Variants in NR3C2 observed in about 807,000 individuals in gnomAD.
NR3C2 encodes the protein nuclear receptor subfamily 3 group C member 2.
In NR3C2, 15 loss-of-function variants were observed where a neutral mutation model predicts 86.4. The ratio of observed to expected loss-of-function variants is 0.17; its 90% CI spans 0.12 to 0.27. The LOEUF (loss-of-function observed/expected upper bound fraction) is 0.27, where lower values mean the gene tolerates loss of function less well. NR3C2 is among the 10% of genes least tolerant of loss of function. The pLI, the probability that NR3C2 is intolerant of heterozygous loss-of-function variation, is 1.00. For missense variants in NR3C2, 960 were observed against 1,195.6 expected (o/e 0.80, Z 2.91); for synonymous variants, 458 against 450.5 (o/e 1.02, Z -0.21).
At chr4:148,144,892 G>A (rs1578935522) in intron 6 of NR3C2, among the ~76,000 whole-genome samples, 1 of 152,270 alleles carries the variant, frequency 6.6e-6, no homozygotes, top group East Asian at 1.9e-4. Context: ...TGTCTCCAAG[G>A]GCCAGGTAGG....
At position 148,079,401 on chromosome 4, in the gene NR3C2, T is replaced by C. The variant is rs1730437633; in HGVS notation, c.*1943A>G. On this transcript the variant is annotated 3_prime_UTR_variant, in exon 9 of 9. Coordinates refer to ENST00000358102, the MANE Select transcript of NR3C2 (RefSeq NM_000901.5). ...TGTCTTTTGAAAGACAAGGTAATGT[T>C]GCCTGCATGGTGAACCCTGGAGAAA... The C allele has an allele frequency of 6.6e-6, 1 of 152,330 alleles. No individual in the cohort carries two copies. The highest frequency in any genetic ancestry group is 1.5e-5 in the Non-Finnish European group (1 of 68,040). The allele number at this position is 152,330 out of a possible 1,614,324, so 9.4% of individuals were successfully genotyped here.
chr4:148,260,972 C>A (rs568096923), intron 2 of NR3C2, among the ~76,000 whole-genome samples: 7 of 152,270 alleles, frequency 4.6e-5, no homozygotes, highest in African/African-American at 1.7e-4. Flanking sequence ...TAGATATGTA[C>A]CAAGCAGGCA....
At chr4:148,201,036 T>C (rs1052818717) in intron 3 of NR3C2, 76 of 152,358 alleles carry the variant, frequency 5.0e-4, no homozygotes, top group African/African-American at 1.8e-3. Context: ...CCTCCATCTG[T>C]ACCCGTCAGT....
intron 2 of NR3C2, among the ~76,000 whole-genome samples, chr4:148,344,143 G>T (rs1428530231): frequency 6.6e-6 from 1 of 152,142 alleles, no homozygotes; most frequent in East Asian, 1.9e-4. Context: ...ACAAGGAAGA[G>T]AAACTTCTAC....
chr4:148,331,519 G>A (rs866729202), intron 2 of NR3C2, among the ~76,000 whole-genome samples: 2 of 152,140 alleles, frequency 1.3e-5, no homozygotes, highest in African/African-American at 4.8e-5. Flanking sequence ...GGTATTCCCA[G>A]GATGAAAGTT....
intron 2 of NR3C2, among the ~76,000 whole-genome samples, chr4:148,378,256 A>T (rs1746779549): frequency 6.6e-6 from 1 of 152,190 alleles, no homozygotes; most frequent in African/African-American, 2.4e-5. Flanking sequence ...TTAAATTAAT[A>T]ACAGTGTTAG....
chr4:148,330,453 A>G (rs1433769290), intron 2 of NR3C2, among the ~76,000 whole-genome samples: 1 of 152,192 alleles, frequency 6.6e-6, no homozygotes, highest in Admixed American at 6.5e-5. Flanking sequence ...CCAATATTGT[A>G]GCATCCTAGA....
intron 3 of NR3C2, among the ~76,000 whole-genome samples, chr4:148,232,909 A>T (rs1000675528): frequency 2.0e-5 from 3 of 152,200 alleles, no homozygotes; most frequent in Non-Finnish European, 2.9e-5. Context: ...TGCAAGCTTC[A>T]AACATTTCTT....
At chr4:148,197,960 T>C (rs923447478) in intron 3 of NR3C2, among the ~76,000 whole-genome samples, 4 of 152,060 alleles carry the variant, frequency 2.6e-5, no homozygotes, top group Non-Finnish European at 5.9e-5. Flanking sequence ...GTGTACCTCC[T>C]GCTTGAGGTT....
chr4:148,319,136 C>T (rs1225868347), intron 2 of NR3C2, among the ~76,000 whole-genome samples: 1 of 151,338 alleles, frequency 6.6e-6, no homozygotes. Flanking sequence ...AATAGGGAGT[C>T]CTTTCCCCAT....
At chr4:148,202,810 T>C (rs926801952) in intron 3 of NR3C2, among the ~76,000 whole-genome samples, 1 of 152,148 alleles carries the variant, frequency 6.6e-6, no homozygotes, top group Non-Finnish European at 1.5e-5. Context: ...TGTATCTTGC[T>C]CCTTAATTCC....
chr4:148,177,288 T>TATTA, intron 4 of NR3C2, among the ~76,000 whole-genome samples: 1 of 152,246 alleles, frequency 6.6e-6, no homozygotes, highest in Admixed American at 6.5e-5. Flanking sequence ...GGTTAGTGCC[T>TATTA]TTTAAGGTAT....
intron 7 of NR3C2, among the ~76,000 whole-genome samples, chr4:148,119,785 C>CA (rs34625634): frequency 0.51 from 62,089 of 121,842 alleles, 14,953 homozygotes; most frequent in East Asian, 0.72. Context: ...GACTTCATCT[C>CA]AAAAAAAAAA....
chr4:148,198,062 G>C (rs937917947), intron 3 of NR3C2, among the ~76,000 whole-genome samples: 3 of 152,000 alleles, frequency 2.0e-5, no homozygotes, highest in African/African-American at 7.2e-5. Context: ...AGATGCTCAG[G>C]TCAGTTAGTG....
chr4:148,314,652 T>C (rs1019532832), intron 2 of NR3C2, among the ~76,000 whole-genome samples: 1 of 152,174 alleles, frequency 6.6e-6, no homozygotes, highest in South Asian at 2.1e-4. Flanking sequence ...CTAGAAAGGA[T>C]AACTTCACTT....
chr4:148,273,027 G>C (rs754962180), intron 2 of NR3C2, among the ~76,000 whole-genome samples: 6 of 152,058 alleles, frequency 3.9e-5, no homozygotes, highest in African/African-American at 1.4e-4. Flanking sequence ...GCCATGTACC[G>C]GGGCCAGATG....
chr4:148,436,485 C>T lies in NR3C2; in HGVS notation c.376G>A (p.Gly126Arg), dbSNP rs1160744739. The change falls in exon 2 of 9, where the codon GGA becomes AGA. Residue 126 changes from glycine to arginine, a missense_variant. This residue lies in a region of NR3C2 where 680 missense variants were observed against 719.0 expected (regional missense o/e 0.95). Transcript: ENST00000358102. ...DYSYEQQNQQ[G>R]SMSPAKIYQN... ...TAAATCTTAGCTGGACTCATGCTTCCTTGTTGGTTCTGCTGCTCATAGGAA... is the reference window on the plus strand; with the variant it reads ...TAAATCTTAGCTGGACTCATGCTTCTTTGTTGGTTCTGCTGCTCATAGGAA... The T allele has an allele frequency of 6.2e-7, 1 of 1,614,146 alleles. No homozygotes were observed. The highest frequency in any genetic ancestry group is 1.3e-5 in the African/African-American group (1 of 75,016).
At chr4:148,385,669 C>T (rs1041705587) in intron 2 of NR3C2, among the ~76,000 whole-genome samples, 1 of 152,112 alleles carries the variant, frequency 6.6e-6, no homozygotes, top group African/African-American at 2.4e-5. Context: ...GAGAGAAAGA[C>T]AGATATACAA....
chr4:148,384,685 A>T (rs1747176891), intron 2 of NR3C2, among the ~76,000 whole-genome samples: 1 of 152,190 alleles, frequency 6.6e-6, no homozygotes, highest in Non-Finnish European at 1.5e-5. Flanking sequence ...ATCATTCTAT[A>T]GCCAGAATGT....
Sources: allele counts gnomAD v4.1 joint callset (sites outside exome capture counted in the v4.1 genomes callset), GRCh38; gene constraint gnomAD v4.1.1; regional missense constraint gnomAD v4.1.1; transcripts MANE v1.5; gene names NCBI Gene and HGNC (gene_info 2026-07-23, HGNC 2026-07-21).